Variants in WDR33 observed in about 807,000 individuals in gnomAD.
WDR33 encodes WD repeat domain 33.
Under a neutral mutation model 164.9 loss-of-function variants are expected in WDR33, and 47 were observed. The observed-to-expected ratio is 0.29, with a 90% CI of 0.23 to 0.36. The LOEUF (loss-of-function observed/expected upper bound fraction) is 0.36, where lower values mean the gene tolerates loss of function less well. Among genes scored for constraint, WDR33 ranks in the 10% least tolerant of loss-of-function variants. The pLI is 1.00. For missense variants in WDR33, 1,137 were observed against 1,754.1 expected (o/e 0.65, Z 6.28); for synonymous variants, 505 against 589.0 (o/e 0.86, Z 2.06).
chr2:127,704,286 ATC>A lies in WDR33; in HGVS notation c.*2035_*2036del, dbSNP rs1223163355. 6.0e-6 allele frequency: 1 copy of A among 166,850 alleles called. No homozygotes were observed. Among genetic ancestry groups the A allele is most frequent in the African/African-American group, 2.4e-5 (1 of 41,340 alleles). 10.3% of individuals were successfully genotyped at this position (166,850 alleles called of 1,614,324 possible). A position where few individuals can be genotyped will look rare whatever the true frequency, so the allele number is the denominator to read the frequency against. ...TAAATGAATTCACTCTCAAAATGTG[ATC>A]TGTCAAGTCCAGTAGAGCTTCAAGG... On this transcript the variant is annotated 3_prime_UTR_variant, in exon 22 of 22. Coordinates refer to ENST00000322313, the MANE Select transcript of WDR33 (RefSeq NM_018383.5).
At position 127,764,362 on chromosome 2, in the gene WDR33, TG is replaced by T. The variant is rs1558943325; in HGVS notation, c.626+465del. On this transcript the variant is annotated intron_variant, in intron 6 of 21. Coordinates refer to ENST00000322313, the MANE Select transcript of WDR33 (RefSeq NM_018383.5). The surrounding 1 kb of genome is among the most constrained non-coding windows in gnomAD (Gnocchi z 6.2). ...AGGGTTTTAGTCCTATACTTTCCTT[TG>T]GAAGTCGTGGCATAACCAAGCCAAC... The T allele has an allele frequency of 7.0e-7, 1 of 1,425,130 alleles. No individual in the cohort carries two copies. Among genetic ancestry groups the T allele is most frequent in the South Asian group, 1.7e-5 (1 of 59,564 alleles). 88.3% of individuals were successfully genotyped at this position (1,425,130 alleles called of 1,614,324 possible). A position where few individuals can be genotyped will look rare whatever the true frequency, so the allele number is the denominator to read the frequency against.
intron 7 of WDR33, among the ~76,000 whole-genome samples, chr2:127,746,647 C>T (rs1333143045): frequency 6.6e-6 from 1 of 152,198 alleles, no homozygotes; most frequent in African/African-American, 2.4e-5. Context: ...CAAAGCCAAA[C>T]TTGCTGACTC....
At chr2:127,744,558 C>T (rs1387719885) in intron 7 of WDR33, among the ~76,000 whole-genome samples, 1 of 152,114 alleles carries the variant, frequency 6.6e-6, no homozygotes, top group African/African-American at 2.4e-5. Context: ...AAAAGATATA[C>T]ACCAAGCTTC....
At chr2:127,787,369 TG>T (rs1688619109) in intron 1 of WDR33, among the ~76,000 whole-genome samples, 1 of 120,150 alleles carries the variant, frequency 8.3e-6, no homozygotes, top group African/African-American at 4.0e-5. Flanking sequence ...AATGAGCTGT[TG>T]GGCACACCTC....
chr2:127,747,689 C>A (rs1179339064), intron 7 of WDR33, among the ~76,000 whole-genome samples: 5 of 152,150 alleles, frequency 3.3e-5, no homozygotes, highest in African/African-American at 4.8e-5. Context: ...ACCAAATTCT[C>A]CCCAATTGCT....
In WDR33 at chr2:127,736,958, G is replaced by C. The variant is rs187057240; in HGVS notation, c.725-10181C>G. On this transcript the variant is annotated intron_variant, in intron 7 of 21. Coordinates refer to ENST00000322313, the MANE Select transcript of WDR33 (RefSeq NM_018383.5). The stretch of plus-strand genomic sequence containing the variant: ...ATGAAATGGAGAAAAACAGTTAATT[G>C]ATAACAATTTGAAAAGGTACAATAT... 7 of 984,910 alleles carry C rather than the reference G, an allele frequency of 7.1e-6. No individual in the cohort carries two copies. The East Asian group carries it at 8.0e-4, about 112-fold the overall frequency. The allele number at this position is 984,910 out of a possible 1,614,324, so 61.0% of individuals were successfully genotyped here.
chr2:127,733,387 A>G (rs1259443230), intron 7 of WDR33, among the ~76,000 whole-genome samples: 1 of 152,198 alleles, frequency 6.6e-6, no homozygotes, highest in African/African-American at 2.4e-5. Context: ...GGGCACATGA[A>G]AGATTCAGCA....
intron 1 of WDR33, among the ~76,000 whole-genome samples, chr2:127,772,940 T>C (rs1001183462): frequency 1.1e-4 from 16 of 145,662 alleles, no homozygotes; most frequent in Non-Finnish European, 2.2e-4. Flanking sequence ...CCTGTGCACA[T>C]AGTGAGACTC....
rs1686008649 is a variant in WDR33, at chr2:127,706,329, AC to A, written c.4004del (p.Gly1335ValfsTer7). ...RRGASRGGGR[G>X]R ...GGGTACTCAGTTCCAGCTTCTACCG[AC>A]CCCTTCCACCACCCCGTGAAGCTCC... is the stretch of plus-strand genomic sequence containing the variant. On this transcript the variant is annotated frameshift_variant, in exon 22 of 22. Coordinates refer to ENST00000322313, the MANE Select transcript of WDR33 (RefSeq NM_018383.5). LOFTEE classifies it high-confidence loss of function. This position sits in a 1 kb window ranked among gnomAD's most constrained non-coding sequence, Gnocchi z 5.1. The A allele has an allele frequency of 6.4e-7, 1 of 1,562,356 alleles. No individual in the cohort carries two copies. The highest frequency in any genetic ancestry group is 1.4e-5 in the African/African-American group (1 of 73,300).
At chr2:127,774,605 G>A (rs1688122724) in intron 1 of WDR33, among the ~76,000 whole-genome samples, 3 of 152,080 alleles carry the variant, frequency 2.0e-5, no homozygotes, top group South Asian at 4.1e-4. Context: ...CCAGGCTGGC[G>A]GATCACAAGG....
Position 127,724,328 on chromosome 2 carries a change from C to T in WDR33, c.1196+5G>A. ...AAAGCTTTGCTATTTCAATATAAAGCTTACCTAGTATGGTCATTTGAGCCT... is the reference window on the plus strand; with the variant it reads ...AAAGCTTTGCTATTTCAATATAAAGTTTACCTAGTATGGTCATTTGAGCCT... On this transcript the variant is annotated splice_donor_5th_base_variant and intron_variant, in intron 11 of 21. Transcript: ENST00000322313. This position sits in a 1 kb window ranked among gnomAD's most constrained non-coding sequence, Gnocchi z 4.8. The T allele has an allele frequency of 6.2e-7, 1 of 1,611,798 alleles. No homozygotes were observed. The highest frequency in any genetic ancestry group is 2.2e-5 in the East Asian group (1 of 44,866).
chr2:127,769,531 T>C (rs1687930477), intron 2 of WDR33, among the ~76,000 whole-genome samples: 1 of 152,182 alleles, frequency 6.6e-6, no homozygotes, highest in African/African-American at 2.4e-5. Flanking sequence ...ACAGTCTCCC[T>C]GATGCTACCT....
intron 7 of WDR33, among the ~76,000 whole-genome samples, chr2:127,760,796 A>G (rs1033522826): frequency 6.6e-6 from 1 of 152,218 alleles, no homozygotes; most frequent in African/African-American, 2.4e-5. Flanking sequence ...AAGAATCAAA[A>G]GATATTAAAA....
At chr2:127,806,335 G>A (rs1558967499) in intron 1 of WDR33, among the ~76,000 whole-genome samples, 2 of 151,158 alleles carry the variant, frequency 1.3e-5, no homozygotes, top group Non-Finnish European at 2.9e-5. Context: ...AGTCTCCCGA[G>A]TAGCTGGGAC....
At chr2:127,743,936 G>A (rs534604052) in intron 7 of WDR33, among the ~76,000 whole-genome samples, 2 of 152,096 alleles carry the variant, frequency 1.3e-5, no homozygotes, top group South Asian at 4.1e-4. Context: ...GAAACAATTA[G>A]TTTTAAGAAA....
At chr2:127,737,604 A>G (rs1686886723) in intron 7 of WDR33, 2 of 1,000,828 alleles carry the variant, frequency 2.0e-6, no homozygotes, top group South Asian at 8.9e-5. Context: ...CGTTAATAAT[A>G]GATGTATTAG....
Position 127,735,318 on chromosome 2 carries a change from C to CA in WDR33, c.725-8542dup. ...TCAGATCCTAAGGAACCTGTTACCC[C>CA]AAGCCCCTAAATAACCTGTCTTGAG... On this transcript the variant is annotated intron_variant, in intron 7 of 21. Coordinates refer to ENST00000322313, the MANE Select transcript of WDR33 (RefSeq NM_018383.5). The surrounding 1 kb of genome is among the most constrained non-coding windows in gnomAD (Gnocchi z 4.3). 1.1e-6 allele frequency: 1 copy of CA among 947,242 alleles called. No individual in the cohort carries two copies. Among genetic ancestry groups the CA allele is most frequent in the South Asian group, 4.9e-5 (1 of 20,458 alleles). The allele number at this position is 947,242 out of a possible 1,614,324, so 58.7% of individuals were successfully genotyped here. A position where few individuals can be genotyped will look rare whatever the true frequency, so the allele number is the denominator to read the frequency against.
At chr2:127,800,923 T>C (rs1347115376) in intron 1 of WDR33, among the ~76,000 whole-genome samples, 1 of 152,070 alleles carries the variant, frequency 6.6e-6, no homozygotes, top group Non-Finnish European at 1.5e-5. Context: ...GTCTAACTTC[T>C]GAAACTCAAT....
At position 127,794,849 on chromosome 2, in the gene WDR33, A is replaced by AAG. The variant is rs1553481252; in HGVS notation, c.-24+16162_-24+16163insCT. ...ACTCCGTTTCAAAAAAAAAAAAAAA[A>AAG]AAAGAAAGAAAGAAAGAAATACTTT... On this transcript the variant is annotated intron_variant, in intron 1 of 21. Coordinates refer to ENST00000322313, the MANE Select transcript of WDR33 (RefSeq NM_018383.5). Among the ~76,000 whole-genome samples the AAG allele has an allele frequency of 3.0e-3, 428 of 142,736 alleles. 3 individuals carry two copies. The highest frequency in any genetic ancestry group is 0.011 in the African/African-American group (407 of 37,050). 93.6% of individuals were successfully genotyped at this position (142,736 alleles called of 152,430 possible). A position where few individuals can be genotyped will look rare whatever the true frequency, so the allele number is the denominator to read the frequency against.
Sources: gnomAD v4.1 joint callset for allele counts (sites outside exome capture counted in the v4.1 genomes callset) on GRCh38, gnomAD v4.1.1 for gene constraint, Gnocchi (gnomAD v3.1) non-coding constraint, MANE v1.5 for transcripts, NCBI Gene and HGNC (gene_info 2026-07-23, HGNC 2026-07-21) for gene names.